The following ASTN1 variants were observed in gnomAD, a reference collection of about 807,000 sequenced individuals.
ASTN1 encodes the protein astrotactin-1.
In ASTN1, 41 loss-of-function variants were observed where a neutral mutation model predicts 140.7. The ratio of observed to expected loss-of-function variants is 0.29; its 90% CI spans 0.23 to 0.38. The LOEUF (loss-of-function observed/expected upper bound fraction) is 0.38, where lower values mean the gene tolerates loss of function less well. ASTN1 is among the 10% of genes least tolerant of loss of function. ASTN1 has a pLI of 1.00. For missense variants in ASTN1, 1,479 were observed against 1,678.8 expected (o/e 0.88, Z 2.08); for synonymous variants, 640 against 652.2 (o/e 0.98, Z 0.29).
At chr1:177,000,229 T>A (rs1051674633) in intron 8 of ASTN1, among the ~76,000 whole-genome samples, 1 of 152,176 alleles carries the variant, frequency 6.6e-6, no homozygotes, top group African/African-American at 2.4e-5. Flanking sequence ...AAACTTACTA[T>A]AAGCAAACGT....
chr1:177,154,189 T>C (rs1683151234), intron 1 of ASTN1, among the ~76,000 whole-genome samples: 1 of 152,196 alleles, frequency 6.6e-6, no homozygotes, highest in South Asian at 2.1e-4. Context: ...TGGATGTCCA[T>C]CACTGAAAGG....
At chr1:177,163,116 T>C (rs1323551827) in intron 1 of ASTN1, among the ~76,000 whole-genome samples, 1 of 152,154 alleles carries the variant, frequency 6.6e-6, no homozygotes, top group Non-Finnish European at 1.5e-5. Context: ...GAGGGATGTG[T>C]TAGAATTCCA....
intron 14 of ASTN1, among the ~76,000 whole-genome samples, chr1:176,942,820 G>GTGTATATATATATATATATATA (rs1553231482): frequency 7.9e-5 from 2 of 25,288 alleles, no homozygotes; most frequent in Non-Finnish European, 1.6e-4. Context: ...TTGTGTGTGT[G>GTGTATATATATATATATATATA]TATATATATA....
At position 176,894,725 on chromosome 1, in the gene ASTN1, G is replaced by A. The variant is rs886869912; in HGVS notation, c.2777C>T (p.Ala926Val). 18 of 1,614,120 alleles carry A rather than the reference G, an allele frequency of 1.1e-5. No homozygotes were observed. Among genetic ancestry groups the A allele is most frequent in the African/African-American group, 9.3e-5 (7 of 75,054 alleles). ...SLSDSGTKHM[A>V]AGVRMECHSK... ...GTGGCACTCCATGCGGACTCCAGCC[G>A]CCATGTGCTTGGTGCCGGAGTCTGA... The change falls in exon 17 of 23, where the codon GCG (alanine) becomes GTG (valine). Residue 926 changes from alanine (A) to valine (V), a missense_variant. Around this residue, in one of 3 missense-constraint regions of ASTN1, gnomAD observed 746 missense variants for 800.9 expected, o/e 0.93. Transcript: ENST00000361833.
At chr1:177,088,873 C>T (rs1466396895) in intron 1 of ASTN1, among the ~76,000 whole-genome samples, 2 of 152,132 alleles carry the variant, frequency 1.3e-5, no homozygotes, top group Admixed American at 1.3e-4. Flanking sequence ...TTTCTTCCTT[C>T]TTTCCTCAAT....
chr1:177,137,648 T>C (rs1001300095), intron 1 of ASTN1, among the ~76,000 whole-genome samples: 2 of 152,188 alleles, frequency 1.3e-5, no homozygotes, highest in African/African-American at 4.8e-5. Context: ...TCAAGGTCTG[T>C]GAAGGCTCAG....
chr1:176,935,864 T>G (rs923477078), intron 15 of ASTN1, among the ~76,000 whole-genome samples: 1 of 152,254 alleles, frequency 6.6e-6, no homozygotes, highest in African/African-American at 2.4e-5. Context: ...CCGTCCCCCC[T>G]CTTTCTTGCT....
chr1:176,922,556 C>CAAAAAAAAAAAAAAAAAAAAAA (rs71129589), intron 16 of ASTN1, among the ~76,000 whole-genome samples: 37 of 77,584 alleles, frequency 4.8e-4, no homozygotes, highest in African/African-American at 1.5e-3. Context: ...GCCCCCACTG[C>CAAAAAAAAAAAAAAAAAAAAAA]AAAAAAAAAA....
chr1:177,115,887 A>G (rs1329887082), intron 1 of ASTN1, among the ~76,000 whole-genome samples: 2 of 152,154 alleles, frequency 1.3e-5, no homozygotes, highest in African/African-American at 4.8e-5. Context: ...ATTTTATAAA[A>G]ATTGTATCAT....
At chr1:176,921,075 C>G in intron 16 of ASTN1, among the ~76,000 whole-genome samples, 1 of 152,296 alleles carries the variant, frequency 6.6e-6, no homozygotes, top group East Asian at 1.9e-4. Flanking sequence ...ACTAGTGTAG[C>G]GTTAATCACC....
chr1:176,908,823 T>TA (rs200848292), intron 16 of ASTN1, among the ~76,000 whole-genome samples: 8 of 151,220 alleles, frequency 5.3e-5, no homozygotes, highest in Non-Finnish European at 8.9e-5. Flanking sequence ...TGTGATTAAT[T>TA]AAAAAAAAAT....
At chr1:176,966,713 T>G (rs899326608) in intron 8 of ASTN1, among the ~76,000 whole-genome samples, 9 of 151,884 alleles carry the variant, frequency 5.9e-5, no homozygotes, top group Admixed American at 2.0e-4. Flanking sequence ...ATATTATATA[T>G]TATATTATGG....
At position 176,958,404 on chromosome 1, in the gene ASTN1, G is replaced by A; in HGVS notation, c.1677C>T (p.Ile559=). Residue 559 remains isoleucine (I), a synonymous_variant, in exon 10 of 23, where the codon ATC becomes ATT. Transcript: ENST00000361833. ...SFVIPPAELA[I]NPSAKCKTDM... The stretch of plus-strand genomic sequence containing the variant: ...CCGTCTTGCACTTTGCTGATGGATT[G>A]ATGGCCAGTTCGGCTGGTGGAATCA... 1 of 1,614,104 alleles carries A rather than the reference G, an allele frequency of 6.2e-7. No homozygotes were observed.
At chr1:177,073,681 C>A (rs1322448129) in intron 1 of ASTN1, among the ~76,000 whole-genome samples, 3 of 150,606 alleles carry the variant, frequency 2.0e-5, no homozygotes, top group Non-Finnish European at 2.9e-5. Context: ...TCATTAAATA[C>A]ATTCCCTAGA....
chr1:176,960,142 T>C (rs1187789117), intron 9 of ASTN1, among the ~76,000 whole-genome samples: 2 of 152,122 alleles, frequency 1.3e-5, no homozygotes, highest in Non-Finnish European at 2.9e-5. Context: ...AATCCGGGAC[T>C]TAAGGATAAT....
chr1:177,032,374 T>C, intron 3 of ASTN1, 82 bp downstream of exon 3: 2 of 1,530,314 alleles, frequency 1.3e-6, no homozygotes, highest in Non-Finnish European at 1.8e-6. Flanking sequence ...CAACCAGCTG[T>C]TGTCACACAG....
At chr1:177,024,876 A>G in intron 5 of ASTN1, 144 bp from the exon 6 acceptor site, 1 of 876,196 alleles carries the variant, frequency 1.1e-6, no homozygotes, top group East Asian at 2.7e-5. Flanking sequence ...TGGCTGCATG[A>G]CCTCAGTGAC....
downstream of ASTN1, chr1:176,857,620 A>T (rs1012564154): frequency 6.5e-6 from 4 of 617,998 alleles, no homozygotes; most frequent in Admixed American, 2.8e-5. Context: ...ATCATCTACA[A>T]CTCCTCTGAC....
intron 13 of ASTN1, 111 bp downstream of exon 13, chr1:176,945,815 A>C: frequency 9.1e-7 from 1 of 1,098,184 alleles, no homozygotes; most frequent in Non-Finnish European, 1.3e-6. Flanking sequence ...ATCCCTTTAG[A>C]CATATCATAT....
Sources: allele counts gnomAD v4.1 joint callset (sites outside exome capture counted in the v4.1 genomes callset), GRCh38; gene constraint gnomAD v4.1.1; regional missense constraint gnomAD v4.1.1; transcripts MANE v1.5; gene names NCBI Gene and HGNC (gene_info 2026-07-23, HGNC 2026-07-21).